Variants in GATAD2A observed in about 807,000 individuals in gnomAD.
The protein encoded by GATAD2A is GATA zinc finger domain containing 2A.
Under a neutral mutation model 68.5 loss-of-function variants are expected in GATAD2A, and 12 were observed. The observed-to-expected ratio is 0.18, with a 90% CI of 0.11 to 0.28. The LOEUF is 0.28. GATAD2A is among the 10% of genes least tolerant of loss of function. The pLI, the probability that GATAD2A is intolerant of heterozygous loss-of-function variation, is 1.00. For missense variants in GATAD2A, 755 were observed against 868.5 expected, an observed-to-expected ratio of 0.87 and a Z score of 1.64; for synonymous variants, 410 against 375.3, an observed-to-expected ratio of 1.09 and a Z score of -1.07.
chr19:19,476,088 C>T (rs143854878), intron 2 of GATAD2A, among the ~76,000 whole-genome samples: 573 of 152,280 alleles, frequency 3.8e-3, no homozygotes, highest in Admixed American at 6.5e-3. Flanking sequence ...GACTCGGATC[C>T]CTAACTTTGA....
intron 11 of GATAD2A, among the ~76,000 whole-genome samples, chr19:19,503,089 T>C (rs1369624358): frequency 6.6e-6 from 1 of 152,146 alleles, no homozygotes; most frequent in African/African-American, 2.4e-5. Flanking sequence ...CGGAGTCAGG[T>C]GCGGCCCCAC....
chr19:19,449,712 C>CT (rs2056164397), intron 1 of GATAD2A, among the ~76,000 whole-genome samples: 1 of 152,110 alleles, frequency 6.6e-6, no homozygotes, highest in Non-Finnish European at 1.5e-5. Context: ...GGGAGGATTG[C>CT]TTCAGCCCAG....
chr19:19,396,939 C>G (rs2049296378), intron 1 of GATAD2A, among the ~76,000 whole-genome samples: 2 of 152,132 alleles, frequency 1.3e-5, no homozygotes, highest in South Asian at 4.1e-4. Flanking sequence ...AAACTCCTGA[C>G]CTCGTAATCT....
At position 19,465,343 on chromosome 19, in the gene GATAD2A, A is replaced by G. The variant is rs779549921; in HGVS notation, c.-3A>G. 1.9e-6 allele frequency: 3 copies of G among 1,613,414 alleles called. No individual in the cohort carries two copies. In the South Asian group the frequency reaches 3.3e-5, roughly 18 times the overall value. On this transcript the variant is annotated 5_prime_UTR_variant, in exon 2 of 12. Coordinates refer to ENST00000683918, the MANE Select transcript of GATAD2A (RefSeq NM_001384528.1). ...GTGTCTTCTCCTCCCTCCCAAGTTC[A>G]GAATGACCGAAGAAGCATGCCGAAC...
chr19:19,457,601 C>T (rs1308002946), intron 1 of GATAD2A, among the ~76,000 whole-genome samples: 4 of 151,954 alleles, frequency 2.6e-5, no homozygotes, highest in Non-Finnish European at 4.4e-5. Flanking sequence ...ATTAGCCGGG[C>T]GTGGTGATGG....
intron 1 of GATAD2A, among the ~76,000 whole-genome samples, chr19:19,424,705 G>C (rs577376153): frequency 6.6e-6 from 1 of 152,282 alleles, no homozygotes; most frequent in South Asian, 2.1e-4. Flanking sequence ...TGACACACCT[G>C]TGGTTGGGGT....
At chr19:19,474,823 A>G (rs2058559861) in intron 2 of GATAD2A, among the ~76,000 whole-genome samples, 1 of 152,204 alleles carries the variant, frequency 6.6e-6, no homozygotes, top group African/African-American at 2.4e-5. Flanking sequence ...GCAGTCCAGC[A>G]TACCGTCTTC....
At chr19:19,422,317 C>G (rs1299652492) in intron 1 of GATAD2A, among the ~76,000 whole-genome samples, 2 of 152,208 alleles carry the variant, frequency 1.3e-5, no homozygotes, top group African/African-American at 4.8e-5. Flanking sequence ...TGCTATCTGG[C>G]TCCTCTTGGA....
intron 1 of GATAD2A, chr19:19,464,970 G>C (rs747049120): frequency 1.6e-5 from 5 of 314,374 alleles, no homozygotes; most frequent in Non-Finnish European, 3.0e-5. Context: ...CCAAAGGCAG[G>C]TAGTTGAGAT....
chr19:19,407,527 C>T (rs772381516), intron 1 of GATAD2A, among the ~76,000 whole-genome samples: 7 of 152,188 alleles, frequency 4.6e-5, no homozygotes, highest in Non-Finnish European at 7.3e-5. Flanking sequence ...CCAGGCAGCC[C>T]GTACTTGGTG....
chr19:19,437,461 C>A (rs145063688), intron 1 of GATAD2A, among the ~76,000 whole-genome samples: 324 of 152,328 alleles, frequency 2.1e-3, no homozygotes, highest in African/African-American at 6.9e-3. Flanking sequence ...CCATACAATT[C>A]ACCCATTTGA....
At chr19:19,471,198 G>C (rs920796971) in intron 2 of GATAD2A, among the ~76,000 whole-genome samples, 19 of 150,242 alleles carry the variant, frequency 1.3e-4, no homozygotes, top group African/African-American at 3.7e-4. Context: ...AGAGGTTACA[G>C]TGAGCCGAGA....
chr19:19,433,288 A>G (rs1462299336), intron 1 of GATAD2A, among the ~76,000 whole-genome samples: 2 of 151,988 alleles, frequency 1.3e-5, no homozygotes, highest in Non-Finnish European at 2.9e-5. Context: ...GCGTGCATCT[A>G]TTTTGTCAGT....
At chr19:19,452,864 G>A (rs1034712111) in intron 1 of GATAD2A, among the ~76,000 whole-genome samples, 1 of 152,168 alleles carries the variant, frequency 6.6e-6, no homozygotes, top group Admixed American at 6.5e-5. Flanking sequence ...AGCTGGGAGA[G>A]GTCACACTAG....
At chr19:19,501,897 G>A in intron 9 of GATAD2A, 72 bp from the exon 10 acceptor site, 1 of 1,190,592 alleles carries the variant, frequency 8.4e-7, no homozygotes, top group Non-Finnish European at 1.3e-6. Context: ...CTGTCCTGTG[G>A]GGCTCACCCT....
chr19:19,440,590 C>A, intron 1 of GATAD2A: 1 of 157,484 alleles, frequency 6.3e-6, no homozygotes, highest in South Asian at 1.6e-4. Flanking sequence ...ATAAAGGAAC[C>A]ACATTGTCAC....
At chr19:19,436,743 T>C (rs1028390573) in intron 1 of GATAD2A, among the ~76,000 whole-genome samples, 1 of 152,208 alleles carries the variant, frequency 6.6e-6, no homozygotes. Flanking sequence ...ACCTTGGATT[T>C]TCTCTGTTAC....
chr19:19,386,325 C>T (rs1413732624), intron 1 of GATAD2A, among the ~76,000 whole-genome samples: 1 of 152,024 alleles, frequency 6.6e-6, no homozygotes, highest in Non-Finnish European at 1.5e-5. Context: ...CTAGGAGACC[C>T]CGTCTCTCTT....
At chr19:19,491,309 C>T (rs1254395749) in intron 2 of GATAD2A, among the ~76,000 whole-genome samples, 2 of 152,164 alleles carry the variant, frequency 1.3e-5, no homozygotes, top group Non-Finnish European at 2.9e-5. Flanking sequence ...CCGATTGTCC[C>T]CTGGTGCTTC....
Sources: gnomAD v4.1 joint callset for allele counts (sites outside exome capture counted in the v4.1 genomes callset) on GRCh38, gnomAD v4.1.1 for gene constraint, MANE v1.5 for transcripts, NCBI Gene and HGNC (gene_info 2026-07-23, HGNC 2026-07-21) for gene names.